Variants in APC2 observed in about 807,000 individuals in gnomAD.
APC2 encodes adenomatous polyposis coli protein 2.
In APC2, 41 loss-of-function variants were observed where a neutral mutation model predicts 72.5. The ratio of observed to expected loss-of-function variants is 0.57; its 90% CI spans 0.44 to 0.73. The LOEUF is 0.73. Among genes scored for constraint, APC2 ranks in the 30% least tolerant of loss-of-function variants. The probability of loss-of-function intolerance (pLI) is 0.00; values close to 1 mark genes in which losing one functional copy is unlikely to be tolerated. For missense variants in APC2, 3,729 were observed against 3,403.4 expected, an observed-to-expected ratio of 1.10 and a Z score of -2.38; for synonymous variants, 1,898 against 1,612.0, an observed-to-expected ratio of 1.18 and a Z score of -4.25.
At chr19:1,457,319 G>A (rs2083849937) in intron 9 of APC2, 76 bp downstream of exon 9, 2 of 1,453,488 alleles carry the variant, frequency 1.4e-6, no homozygotes, top group Admixed American at 5.4e-5. Context: ...GGGCGACTAG[G>A]ACCTCCAGCC....
chr19:1,457,879 T>C (rs1426542502), intron 9 of APC2, 86 bp from the exon 10 acceptor site: 1 of 1,068,396 alleles, frequency 9.4e-7, no homozygotes, highest in Non-Finnish European at 1.3e-6. Flanking sequence ...CCTTCAGGCC[T>C]GGGGCGGGCG....
chr19:1,457,630 T>C, intron 9 of APC2: 1 of 495,834 alleles, frequency 2.0e-6, no homozygotes, highest in Non-Finnish European at 3.6e-6. Flanking sequence ...CCCAGGAATT[T>C]GGGGCTGCAG....
rs1466658744 is a variant in APC2 at position 1,457,085 on chromosome 19, C to T, written c.1049C>T (p.Ala350Val). Residue 350 changes from alanine (A) to valine (V), a missense_variant, in exon 9 of 15, where the codon GCG becomes GTG. Ala to Val is a moderately conservative substitution (Grantham distance 64, BLOSUM62 0). Coordinates refer to ENST00000590469, the MANE Select transcript of APC2 (RefSeq NM_005883.3). ...GACGCACGCATGCGCGCCAACGCGG[C>T]GCTGCACAACATCGTCTTCTCGCAG... is the stretch of plus-strand genomic sequence containing the variant. ...AKDARMRANA[A>V]LHNIVFSQPD... The T allele has an allele frequency of 1.9e-6, 3 of 1,568,004 alleles. No homozygotes were observed. Among genetic ancestry groups the T allele is most frequent in the East Asian group, 2.4e-5 (1 of 41,916 alleles).
rs1317851103 is a variant in APC2 at position 1,467,228 on chromosome 19, G to GGGCGCCGGC, written c.3928_3936dup (p.Gly1310_Gly1312dup). On this transcript the variant is annotated inframe_insertion, in exon 15 of 15. Coordinates refer to ENST00000590469, the MANE Select transcript of APC2 (RefSeq NM_005883.3). ...GCCCCGAGCGCGGCGGGGGCGCCGG[G>GGGCGCCGGC]GGCGCCGGCCTCCACTTTGCAGGGC... 7.3e-7 allele frequency: 1 copy of GGGCGCCGGC among 1,370,974 alleles called. No individual in the cohort carries two copies. The highest frequency in any genetic ancestry group is 9.4e-7 in the Non-Finnish European group (1 of 1,067,332). 84.9% of individuals were successfully genotyped at this position (1,370,974 alleles called of 1,614,324 possible).
intron 10 of APC2, 111 bp downstream of exon 10, chr19:1,458,171 G>A (rs974955543): frequency 1.0e-5 from 10 of 996,534 alleles, no homozygotes; most frequent in Non-Finnish European, 1.5e-5. Flanking sequence ...GCTGGGGATT[G>A]GAGCCCGGAG....
chr19:1,468,249 C>T lies in APC2; in HGVS notation c.4948C>T (p.Arg1650Cys). Residue 1650 changes from arginine to cysteine, a missense_variant, in exon 15 of 15, where the codon CGC becomes TGC. By Grantham distance (180) the Arg-to-Cys change is radical (BLOSUM62 -3). Transcript: ENST00000590469. ...GCCCCCCGTGTCTGGCCTGCGGCGC[C>T]GCAAGCCCCGAGCCACCCGGCTGGA... ...RRPPVSGLRR[R>C]KPRATRLDER... 4 of 1,513,282 alleles carry T rather than the reference C, an allele frequency of 2.6e-6. No homozygotes were observed. Among genetic ancestry groups the T allele is most frequent in the South Asian group, 1.2e-5 (1 of 80,364 alleles). The allele number at this position is 1,513,282 out of a possible 1,614,324, so 93.7% of individuals were successfully genotyped here.
Position 1,460,259 on chromosome 19 carries a change from C to T in APC2, c.1382C>T (p.Ala461Val), listed in dbSNP as rs758805322. Residue 461 changes from alanine (A) to valine (V), a missense_variant, in exon 11 of 15, where the codon GCG becomes GTG. Physicochemically the swap from Ala to Val is moderately conservative, Grantham distance 64 (BLOSUM62 0). Transcript: ENST00000590469. ...HKMTRDPLNL[A>V]LRRYAGMTLT... is the part of the protein sequence containing the mutation. Reference sequence around the variant, plus strand: ...ATGACCCGGGACCCGCTGAACCTGGCGCTGCGCCGCTACGCGGGCATGACC... The same window carrying T: ...ATGACCCGGGACCCGCTGAACCTGGTGCTGCGCCGCTACGCGGGCATGACC... 21 of 1,613,418 alleles carry T rather than the reference C, an allele frequency of 1.3e-5. No homozygotes were observed. In the Admixed American group the frequency reaches 1.5e-4, roughly 12 times the overall value.
intron 6 of APC2, among the ~76,000 whole-genome samples, 192 bp downstream of exon 6, chr19:1,455,692 C>T (rs1387351640): frequency 1.3e-5 from 2 of 151,278 alleles, no homozygotes; most frequent in African/African-American, 4.9e-5. Context: ...TCAGGAGGCT[C>T]AGAGCCTGAG....
chr19:1,467,986 C>T lies in APC2; in HGVS notation c.4685C>T (p.Ala1562Val), dbSNP rs770076072. Residue 1562 changes from alanine to valine, a missense_variant, in exon 15 of 15, where the codon GCC becomes GTC. Coordinates refer to ENST00000590469, the MANE Select transcript of APC2 (RefSeq NM_005883.3). ...GCTGCACCAGCTGCCCCGCCGCCCG[C>T]CCGGACCCAGCCCAGCCTCATTGCT... ...SKAAPAAPPP[A>V]RTQPSLIADE... 14 of 1,581,234 alleles carry T rather than the reference C, an allele frequency of 8.9e-6. No individual in the cohort carries two copies. In the African/African-American group the frequency reaches 1.9e-4, roughly 22 times the overall value.
rs754936616 is a variant in APC2 at position 1,452,734 on chromosome 19, C to T, written c.-18-250C>T. 32 of 507,008 alleles carry T rather than the reference C, an allele frequency of 6.3e-5. 1 individual carries two copies. Among genetic ancestry groups the T allele is most frequent in the South Asian group, 2.3e-4 (9 of 39,090 alleles). 31.4% of individuals were successfully genotyped at this position (507,008 alleles called of 1,614,324 possible). ...TCAGTTGGACGTTCAGCTGTCTGTACGTCTGTCTGCTGGCCCCTCTGTCTC... is the reference window on the plus strand; with the variant it reads ...TCAGTTGGACGTTCAGCTGTCTGTATGTCTGTCTGCTGGCCCCTCTGTCTC... On this transcript the variant is annotated intron_variant, in intron 1 of 14. Transcript: ENST00000590469. This position sits in a 1 kb window ranked among gnomAD's most constrained non-coding sequence, Gnocchi z 5.1.
chr19:1,455,666 G>C (rs943403062), intron 6 of APC2, among the ~76,000 whole-genome samples, 166 bp downstream of exon 6: 1 of 151,816 alleles, frequency 6.6e-6, no homozygotes, highest in South Asian at 2.1e-4. Context: ...GAAGCTGGAG[G>C]TGTTGGTGGG....
chr19:1,456,596 G>C (rs3896894), intron 8 of APC2, among the ~76,000 whole-genome samples, 192 bp downstream of exon 8: 82,451 of 151,926 alleles, frequency 0.54, 22,745 homozygotes, highest in East Asian at 0.72. Flanking sequence ...AATACGTCCC[G>C]TAGCGGGGGC....
At position 1,465,167 on chromosome 19, in the gene APC2, G is replaced by C; in HGVS notation, c.1866G>C (p.Arg622=). 6.2e-7 allele frequency: 1 copy of C among 1,601,504 alleles called. No homozygotes were observed. The highest frequency in any genetic ancestry group is 8.5e-7 in the Non-Finnish European group (1 of 1,175,054). The change falls in exon 15 of 15, where the codon CGG becomes CGC. Residue 622 remains arginine, a synonymous_variant. Coordinates refer to ENST00000590469, the MANE Select transcript of APC2 (RefSeq NM_005883.3). ...ATREDYRQVL[R]DHNCLQTLLQ... is the part of the protein sequence containing the mutation. ...CCTGTGCCTACAGGCAGGTGCTCCGGGATCACAACTGTCTGCAGACGCTGC... is the reference window on the plus strand; with the variant it reads ...CCTGTGCCTACAGGCAGGTGCTCCGCGATCACAACTGTCTGCAGACGCTGC...
chr19:1,467,914 C>A lies in APC2; in HGVS notation c.4613C>A (p.Thr1538Lys), dbSNP rs1035623959. 2.0e-5 allele frequency: 31 copies of A among 1,584,172 alleles called. No individual in the cohort carries two copies. The highest frequency in any genetic ancestry group is 2.6e-5 in the Non-Finnish European group (31 of 1,173,606). Residue 1538 changes from threonine (T) to lysine (K), a missense_variant, in exon 15 of 15, where the codon ACG becomes AAG. Physicochemically the swap from Thr to Lys is moderately conservative, Grantham distance 78 (BLOSUM62 -1). Coordinates refer to ENST00000590469, the MANE Select transcript of APC2 (RefSeq NM_005883.3). ...ACATCGGCCATCCCTCGCGCTTTTA[C>A]GCGGGAGCGTCCGCAGGGCCGGAAG... is the stretch of plus-strand genomic sequence containing the variant. ...RRTSAIPRAF[T>K]RERPQGRKEA...
In APC2 at chr19:1,457,067, G is replaced by T; in HGVS notation, c.1031G>T (p.Arg344Leu). 2 of 1,546,950 alleles carry T rather than the reference G, an allele frequency of 1.3e-6. No individual in the cohort carries two copies. Among genetic ancestry groups the T allele is most frequent in the Non-Finnish European group, 1.7e-6 (2 of 1,153,326 alleles). Residue 344 changes from arginine to leucine, a missense_variant, in exon 9 of 15, where the codon CGC becomes CTC. Arg to Leu is a moderately radical substitution (Grantham distance 102). Coordinates refer to ENST00000590469, the MANE Select transcript of APC2 (RefSeq NM_005883.3). Reference protein sequence around the residue: ...APGAPGAKDARMRANAALHNI... With the variant: ...APGAPGAKDALMRANAALHNI... ...GGGGCACCGGGCGCCAAGGACGCAC[G>T]CATGCGCGCCAACGCGGCGCTGCAC...
rs1217673299 is a variant in APC2 at position 1,469,137 on chromosome 19, C to G, written c.5836C>G (p.Arg1946Gly). Reference sequence around the variant, plus strand: ...CCGGCGTGGGCCGCCACCGCTGGCTCGGGCAGTCCCGGAGCCGGGCCCCAG... The same window carrying G: ...CCGGCGTGGGCCGCCACCGCTGGCTGGGGCAGTCCCGGAGCCGGGCCCCAG... ...PARRGPPPLA[R>G]AVPEPGPRGR... Residue 1946 changes from arginine (R) to glycine (G), a missense_variant, in exon 15 of 15, where the codon CGG becomes GGG. Arg to Gly is a moderately radical substitution (Grantham distance 125, BLOSUM62 -2). Coordinates refer to ENST00000590469, the MANE Select transcript of APC2 (RefSeq NM_005883.3). The G allele has an allele frequency of 1.8e-5, 23 of 1,312,794 alleles. No individual in the cohort carries two copies. The highest frequency in any genetic ancestry group is 2.7e-4 in the Middle Eastern group (1 of 3,638). 81.3% of individuals were successfully genotyped at this position (1,312,794 alleles called of 1,614,324 possible).
chr19:1,459,247 C>T (rs111340246), intron 10 of APC2, among the ~76,000 whole-genome samples: 3 of 152,272 alleles, frequency 2.0e-5, no homozygotes, highest in African/African-American at 4.8e-5. Flanking sequence ...CTCTGTTGCC[C>T]ATGCTGGAGT....
In APC2 at chr19:1,465,417, G is replaced by A. The variant is rs1379084580; in HGVS notation, c.2116G>A (p.Ala706Thr). The A allele has an allele frequency of 3.2e-6, 5 of 1,544,660 alleles. No homozygotes were observed. The highest frequency in any genetic ancestry group is 4.8e-5 in the East Asian group (2 of 41,398). ...TCGGCCCGCCAAGCACCAGGCGGCC[G>A]CCACCGCCGTGTCCCCAGGCAGCTG... ...AHRPAKHQAA[A>T]TAVSPGSCVP... Residue 706 changes from alanine (A) to threonine (T), a missense_variant, in exon 15 of 15, where the codon GCC becomes ACC. Transcript: ENST00000590469.
At position 1,468,012 on chromosome 19, in the gene APC2, G is replaced by A; in HGVS notation, c.4711G>A (p.Asp1571Asn). The change falls in exon 15 of 15, where the codon GAC (aspartate) becomes AAC (asparagine). Residue 1571 changes from aspartate (D) to asparagine (N), a missense_variant. Asp to Asn is a conservative substitution (Grantham distance 23). Coordinates refer to ENST00000590469, the MANE Select transcript of APC2 (RefSeq NM_005883.3). ...PARTQPSLIA[D>N]ETPPCYSLSS... ...CCGGACCCAGCCCAGCCTCATTGCTGACGAGACCCCGCCCTGCTACTCCCT... is the reference window on the plus strand; with the variant it reads ...CCGGACCCAGCCCAGCCTCATTGCTAACGAGACCCCGCCCTGCTACTCCCT... 1.3e-6 allele frequency: 2 copies of A among 1,586,536 alleles called. No individual in the cohort carries two copies. The highest frequency in any genetic ancestry group is 2.2e-5 in the South Asian group (2 of 89,902).
Sources: gnomAD v4.1 joint callset for allele counts (sites outside exome capture counted in the v4.1 genomes callset) on GRCh38, gnomAD v4.1.1 for gene constraint, Gnocchi (gnomAD v3.1) non-coding constraint, MANE v1.5 for transcripts, NCBI Gene and HGNC (gene_info 2026-07-23, HGNC 2026-07-21) for gene names.